The following CSMD1 variants were observed in gnomAD, a reference collection of about 807,000 sequenced individuals.
CSMD1 encodes CUB and Sushi multiple domains 1.
CSMD1 carries 213 observed loss-of-function variants against 417.5 expected under a neutral mutation model. The observed-to-expected ratio is 0.51, with a 90% CI of 0.46 to 0.57. The LOEUF (loss-of-function observed/expected upper bound fraction) is 0.57, where lower values mean the gene tolerates loss of function less well. CSMD1 is among the 20% of genes least tolerant of loss of function. CSMD1 has a pLI of 0.00. For synonymous variants in CSMD1, 2,862 were observed against 1,736.8 expected (o/e 1.65, Z -16.11); for missense variants, 6,923 against 4,529.7 (o/e 1.53, Z -15.17).
intron 9 of CSMD1, among the ~76,000 whole-genome samples, chr8:3,583,201 C>T (rs1353051112): frequency 6.6e-6 from 1 of 151,910 alleles, no homozygotes; most frequent in African/African-American, 2.4e-5. Flanking sequence ...GATCTAAGCC[C>T]ACACATTTCT....
chr8:4,618,193 A>C (rs188942810), intron 2 of CSMD1, among the ~76,000 whole-genome samples: 7 of 152,222 alleles, frequency 4.6e-5, no homozygotes, highest in Admixed American at 4.6e-4. Context: ...GCATGTGACC[A>C]ACAATTTCCC....
At position 3,823,532 on chromosome 8, in the gene CSMD1, A is replaced by G. The variant is rs187635079; in HGVS notation, c.819-69490T>C. On this transcript the variant is annotated intron_variant, in intron 5 of 69. Transcript: ENST00000635120. ...TCAAATAACATTTTGTTATAAAAAT[A>G]AAGTATAACTTAATAAAATAAAAAA... Among the ~76,000 whole-genome samples the G allele has an allele frequency of 1.3e-4, 20 of 152,320 alleles. No individual in the cohort carries two copies. The East Asian group carries it at 3.9e-3, about 29-fold the overall frequency.
At chr8:4,712,435 C>G (rs1342834550) in intron 1 of CSMD1, among the ~76,000 whole-genome samples, 1 of 152,192 alleles carries the variant, frequency 6.6e-6, no homozygotes, top group African/African-American at 2.4e-5. Context: ...ACTACCTACT[C>G]TTACTCTGAA....
intron 26 of CSMD1, among the ~76,000 whole-genome samples, chr8:3,260,194 C>T (rs146687762): frequency 2.0e-4 from 30 of 152,186 alleles, no homozygotes; most frequent in African/African-American, 6.0e-4. Context: ...TTATTATCTG[C>T]TTCCTCACCC....
chr8:3,164,203 T>C (rs906525422), intron 37 of CSMD1, among the ~76,000 whole-genome samples: 24 of 152,190 alleles, frequency 1.6e-4, no homozygotes, highest in African/African-American at 5.5e-4. Context: ...TGGAAAGCAG[T>C]GGTACATAAA....
intron 7 of CSMD1, among the ~76,000 whole-genome samples, chr8:3,663,754 C>T (rs912374451): frequency 2.6e-5 from 4 of 151,894 alleles, no homozygotes; most frequent in African/African-American, 9.7e-5. Flanking sequence ...CTGGACCGAA[C>T]CAACGTTCAC....
chr8:4,193,420 C>G (rs61612487), intron 3 of CSMD1, among the ~76,000 whole-genome samples: 4,218 of 151,906 alleles, frequency 0.028, 229 homozygotes, highest in African/African-American at 0.097. Context: ...CTGTTTGCTT[C>G]TCTGTTCACA....
At chr8:4,572,316 T>G (rs1798929526) in intron 2 of CSMD1, among the ~76,000 whole-genome samples, 1 of 152,212 alleles carries the variant, frequency 6.6e-6, no homozygotes, top group African/African-American at 2.4e-5. Context: ...GGCCTAGTGG[T>G]GACAAAATCC....
At chr8:4,201,887 TG>T (rs5741962) in intron 3 of CSMD1, among the ~76,000 whole-genome samples, 80,705 of 127,876 alleles carry the variant, frequency 0.63, 25,200 homozygotes, top group Admixed American at 0.71. Flanking sequence ...ATGGAAATTT[TG>T]GGGGGGGGGG....
At chr8:3,800,906 T>A (rs112185026) in intron 5 of CSMD1, among the ~76,000 whole-genome samples, 9,375 of 152,074 alleles carry the variant, frequency 0.062, 362 homozygotes, top group Middle Eastern at 0.095. Context: ...CAACCATGAG[T>A]GAAATAAACC....
intron 3 of CSMD1, among the ~76,000 whole-genome samples, chr8:4,317,245 TC>T (rs1395220941): frequency 5.3e-5 from 8 of 151,220 alleles, no homozygotes; most frequent in Non-Finnish European, 8.8e-5. Context: ...AGGGAATTTT[TC>T]TTTTTTTTAC....
chr8:3,530,465 A>T (rs1249284350), intron 10 of CSMD1, among the ~76,000 whole-genome samples: 1 of 152,132 alleles, frequency 6.6e-6, no homozygotes, highest in Non-Finnish European at 1.5e-5. Context: ...TAAATTTCCT[A>T]GCTTTCCTTC....
At chr8:3,137,514 G>C (rs1268447915) in intron 41 of CSMD1, among the ~76,000 whole-genome samples, 2 of 152,232 alleles carry the variant, frequency 1.3e-5, no homozygotes, top group African/African-American at 4.8e-5. Flanking sequence ...CCTTCATGCA[G>C]TGTATTGTTT....
At chr8:4,809,762 G>T (rs377219788) in intron 1 of CSMD1, among the ~76,000 whole-genome samples, 5 of 152,122 alleles carry the variant, frequency 3.3e-5, no homozygotes, top group African/African-American at 4.8e-5. Flanking sequence ...GATAATTCAT[G>T]TTTTTTTACA....
In CSMD1 at chr8:4,051,867, TC is replaced by T. The variant is rs1438053992; in HGVS notation, c.416-19769del. Among the ~76,000 whole-genome samples, 20 of 28,564 alleles carry T rather than the reference TC, an allele frequency of 7.0e-4. 1 individual carries two copies. The highest frequency in any genetic ancestry group is 1.8e-3 in the African/African-American group (13 of 7,208). 18.7% of individuals were successfully genotyped at this position (28,564 alleles called of 152,430 possible). ...TTCTTTTCTTTTCTCTTTCTTTCTT[TC>T]CTTCCTCCTTTCTTCCTTCCTTCCT... On this transcript the variant is annotated intron_variant, in intron 3 of 69. Coordinates refer to ENST00000635120, the MANE Select transcript of CSMD1 (RefSeq NM_033225.6).
intron 7 of CSMD1, among the ~76,000 whole-genome samples, chr8:3,630,563 G>C (rs1024497160): frequency 6.6e-6 from 1 of 152,212 alleles, no homozygotes; most frequent in South Asian, 2.1e-4. Context: ...ATTAGAGGAA[G>C]AAGGAGAGGA....
chr8:4,593,634 G>C (rs1479010154), intron 2 of CSMD1, among the ~76,000 whole-genome samples: 1 of 152,176 alleles, frequency 6.6e-6, no homozygotes, highest in South Asian at 2.1e-4. Flanking sequence ...TTGTGATCCG[G>C]AGTCTTAAAG....
In CSMD1 at chr8:3,091,614, G is replaced by A. The variant is rs1371744003; in HGVS notation, c.7187C>T (p.Thr2396Ile). The A allele has an allele frequency of 2.5e-6, 4 of 1,611,734 alleles. No homozygotes were observed. The highest frequency in any genetic ancestry group is 4.5e-5 in the East Asian group (2 of 44,762). ...PLLVVLSGNH[T>I]EQSNFTSRSN... ...CCTGCTTGTAAAATTTGATTGTTCA[G>A]TATGATTCCCACTTAAGACTACTAG... The change falls in exon 48 of 70, where the codon ACT (threonine) becomes ATT (isoleucine). Residue 2396 changes from threonine to isoleucine, a missense_variant. By Grantham distance (89) the Thr-to-Ile change is moderately conservative. Transcript: ENST00000635120.
At position 4,138,190 on chromosome 8, in the gene CSMD1, C is replaced by T. The variant is rs1025718911; in HGVS notation, c.416-106091G>A. Among the ~76,000 whole-genome samples, 13 of 142,474 alleles carry T rather than the reference C, an allele frequency of 9.1e-5. 4 individuals carry two copies. In the Admixed American group the frequency reaches 9.7e-4, roughly 11 times the overall value. The allele number at this position is 142,474 out of a possible 152,430, so 93.5% of individuals were successfully genotyped here. A position where few individuals can be genotyped will look rare whatever the true frequency, so the allele number is the denominator to read the frequency against. On this transcript the variant is annotated intron_variant, in intron 3 of 69. Coordinates refer to ENST00000635120, the MANE Select transcript of CSMD1 (RefSeq NM_033225.6). ...TGGGCCTCCCAAAGTGCTGGGATTA[C>T]AGGCGCAGCCTTACATTTTTTTTTT...
Sources: allele counts gnomAD v4.1 joint callset (sites outside exome capture counted in the v4.1 genomes callset), GRCh38; gene constraint gnomAD v4.1.1; transcripts MANE v1.5; gene names NCBI Gene and HGNC (gene_info 2026-07-23, HGNC 2026-07-21).